The following TTBK2 variants were observed in gnomAD, a reference collection of about 807,000 sequenced individuals.
The protein encoded by TTBK2 is tau tubulin kinase 2.
In TTBK2, 28 loss-of-function variants were observed where a neutral mutation model predicts 110.8. The ratio of observed to expected loss-of-function variants is 0.25; its 90% CI spans 0.19 to 0.35. The LOEUF (loss-of-function observed/expected upper bound fraction) is 0.35, where lower values mean the gene tolerates loss of function less well. TTBK2 is among the 10% of genes least tolerant of loss of function. The probability of loss-of-function intolerance (pLI) is 1.00; values close to 1 mark genes in which losing one functional copy is unlikely to be tolerated. For synonymous variants in TTBK2, 532 were observed against 527.3 expected, an observed-to-expected ratio of 1.01 and a Z score of -0.12; for missense variants, 1,369 against 1,500.3, an observed-to-expected ratio of 0.91 and a Z score of 1.45.
intron 6 of TTBK2, among the ~76,000 whole-genome samples, chr15:42,819,811 G>A (rs1384626097): frequency 6.6e-6 from 1 of 152,208 alleles, no homozygotes; most frequent in Non-Finnish European, 1.5e-5. Flanking sequence ...ACGTTTCAGA[G>A]GTTGTACTTT....
intron 2 of TTBK2, among the ~76,000 whole-genome samples, chr15:42,877,734 T>C (rs1894868058): frequency 6.6e-6 from 1 of 152,074 alleles, no homozygotes; most frequent in African/African-American, 2.4e-5. Context: ...ACAGACAAAA[T>C]GATACACAAT....
chr15:42,763,157 C>CATATATATATATATATATATAT (rs1567008803), intron 13 of TTBK2, among the ~76,000 whole-genome samples: 1 of 20,472 alleles, frequency 4.9e-5, no homozygotes, highest in African/African-American at 2.1e-4. Context: ...TATATATATA[C>CATATATATATATATATATATAT]ATATATATAT....
At chr15:42,816,249 T>A (rs1375143204) in intron 7 of TTBK2, among the ~76,000 whole-genome samples, 1 of 149,328 alleles carries the variant, frequency 6.7e-6, no homozygotes. Context: ...CCTGAGTAGC[T>A]GGGACTACAG....
At chr15:42,815,958 A>AAAATATATATATATATATATATATATAT (rs71108183) in intron 7 of TTBK2, among the ~76,000 whole-genome samples, 1 of 91,716 alleles carries the variant, frequency 1.1e-5, no homozygotes, top group African/African-American at 6.2e-5. Context: ...TTAAAAAAAA[A>AAAATATATATATATATATATATATATAT]ATATATATAT....
At chr15:42,815,949 T>TTA (rs1194813331) in intron 7 of TTBK2, among the ~76,000 whole-genome samples, 11 of 37,154 alleles carry the variant, frequency 3.0e-4, no homozygotes, top group South Asian at 1.4e-3. Flanking sequence ...TATATATATT[T>TTA]AAAAAAAAAA....
At chr15:42,903,616 A>G (rs906290332) in intron 1 of TTBK2, among the ~76,000 whole-genome samples, 1 of 152,204 alleles carries the variant, frequency 6.6e-6, no homozygotes, top group African/African-American at 2.4e-5. Flanking sequence ...ACTTGTCCCA[A>G]TTAGGAACCG....
At chr15:42,915,794 A>T (rs1170595524) in intron 1 of TTBK2, among the ~76,000 whole-genome samples, 1 of 152,162 alleles carries the variant, frequency 6.6e-6, no homozygotes, top group Non-Finnish European at 1.5e-5. Context: ...AAAAAATTGT[A>T]AAATTAGCCA....
chr15:42,816,085 A>AATATATAT lies in TTBK2; in HGVS notation c.603+939_603+946dup, dbSNP rs71431870. Among the ~76,000 whole-genome samples the AATATATAT allele has an allele frequency of 4.7e-3, 314 of 67,408 alleles. 2 individuals are homozygous for AATATATAT. Among genetic ancestry groups the AATATATAT allele is most frequent in the African/African-American group, 7.2e-3 (95 of 13,148 alleles). 44.2% of individuals were successfully genotyped at this position (67,408 alleles called of 152,430 possible). A position where few individuals can be genotyped will look rare whatever the true frequency, so the allele number is the denominator to read the frequency against. ...ATATATATATAAAAATAAATAAATA[A>AATATATAT]ATATATATATATATATATATATATA... On this transcript the variant is annotated intron_variant, in intron 7 of 14. Coordinates refer to ENST00000267890, the MANE Select transcript of TTBK2 (RefSeq NM_173500.4).
At chr15:42,765,296 A>C (rs1251380727) in intron 13 of TTBK2, among the ~76,000 whole-genome samples, 1 of 152,206 alleles carries the variant, frequency 6.6e-6, no homozygotes, top group African/African-American at 2.4e-5. Flanking sequence ...AGGCTTCAGA[A>C]GGTCGCTAAT....
chr15:42,783,611 A>G lies in TTBK2; in HGVS notation c.1005T>C (p.Pro335=). ...AIGIANATPI[P]GDLLRENTDE... is the part of the protein sequence containing the mutation. ...CTGTATTTTCTCGAAGCAAGTCTCC[A>G]GGGATGGGAGTAGCATTGGCAATTC... The change falls in exon 11 of 15, where the codon CCT becomes CCC. Residue 335 remains proline, a synonymous_variant. Coordinates refer to ENST00000267890, the MANE Select transcript of TTBK2 (RefSeq NM_173500.4). 6.2e-7 allele frequency: 1 copy of G among 1,614,144 alleles called. No homozygotes were observed. The highest frequency in any genetic ancestry group is 8.5e-7 in the Non-Finnish European group (1 of 1,180,004).
At chr15:42,791,927 A>AG (rs1890705090) in intron 10 of TTBK2, among the ~76,000 whole-genome samples, 2 of 152,142 alleles carry the variant, frequency 1.3e-5, no homozygotes, top group Non-Finnish European at 2.9e-5. Flanking sequence ...GGATCACCTG[A>AG]GGTCAGGATT....
chr15:42,901,711 G>GA lies in TTBK2; in HGVS notation c.-68+18726dup, dbSNP rs565818841. Among the ~76,000 whole-genome samples, 308 of 151,850 alleles carry GA rather than the reference G, an allele frequency of 2.0e-3. 1 individual carries two copies. Among genetic ancestry groups the GA allele is most frequent in the African/African-American group, 7.2e-3 (299 of 41,426 alleles). ...AGTGAAAAGACAACCCACAAAATGG[G>GA]AAAAAATATTTACAAATCATATATC... On this transcript the variant is annotated intron_variant, in intron 1 of 14. Transcript: ENST00000267890.
intron 9 of TTBK2, among the ~76,000 whole-genome samples, chr15:42,797,186 G>A (rs544986515): frequency 2.6e-5 from 4 of 152,232 alleles, no homozygotes; most frequent in African/African-American, 7.2e-5. Context: ...CCATACAGGG[G>A]AGCCTTGCTA....
intron 3 of TTBK2, among the ~76,000 whole-genome samples, chr15:42,844,777 A>T (rs913280696): frequency 6.6e-6 from 1 of 152,208 alleles, no homozygotes; most frequent in Non-Finnish European, 1.5e-5. Context: ...CTTTGCTCTT[A>T]ACCATTATGC....
At chr15:42,805,028 G>C (rs1891400197) in intron 9 of TTBK2, among the ~76,000 whole-genome samples, 1 of 152,300 alleles carries the variant, frequency 6.6e-6, no homozygotes, top group Admixed American at 6.5e-5. Flanking sequence ...ATTTAAGAGA[G>C]TCATGTAAAC....
At chr15:42,848,219 A>T (rs1035285465) in intron 3 of TTBK2, among the ~76,000 whole-genome samples, 1 of 151,976 alleles carries the variant, frequency 6.6e-6, no homozygotes. Context: ...TTTTTCCAAC[A>T]TTCTTCTTCT....
chr15:42,872,088 G>A (rs1894636631), intron 3 of TTBK2, among the ~76,000 whole-genome samples: 1 of 152,118 alleles, frequency 6.6e-6, no homozygotes, highest in Non-Finnish European at 1.5e-5. Flanking sequence ...TAGGGCCCAA[G>A]TAGTAAAACG....
intron 14 of TTBK2, 134 bp downstream of exon 14, chr15:42,751,840 T>G: frequency 6.3e-6 from 7 of 1,106,484 alleles, no homozygotes; most frequent in South Asian, 1.3e-5. Context: ...CACTAGGCTG[T>G]AAGGCCTGGG....
intron 11 of TTBK2, among the ~76,000 whole-genome samples, chr15:42,778,942 C>T (rs1890057315): frequency 6.6e-6 from 1 of 151,908 alleles, no homozygotes; most frequent in Non-Finnish European, 1.5e-5. Context: ...TGCTTAGAAA[C>T]ATCATAGTGA....
Sources: allele counts gnomAD v4.1 joint callset (sites outside exome capture counted in the v4.1 genomes callset), GRCh38; gene constraint gnomAD v4.1.1; transcripts MANE v1.5; gene names NCBI Gene and HGNC (gene_info 2026-07-23, HGNC 2026-07-21).